Variants in MAP4K4 observed in about 807,000 individuals in gnomAD.
The protein encoded by MAP4K4 is mitogen-activated protein kinase kinase kinase kinase 4, also known as HPK/GCK-like kinase HGK.
Under a neutral mutation model 189.6 loss-of-function variants are expected in MAP4K4, and 38 were observed. The observed-to-expected ratio is 0.20, with a 90% CI of 0.15 to 0.26. The LOEUF (loss-of-function observed/expected upper bound fraction) is 0.26. Among genes scored for constraint, MAP4K4 ranks in the 10% least tolerant of loss-of-function variants. The probability of loss-of-function intolerance (pLI) is 1.00; values close to 1 mark genes in which losing one functional copy is unlikely to be tolerated. For missense variants in MAP4K4, 1,054 were observed against 1,726.9 expected, an observed-to-expected ratio of 0.61 and a Z score of 6.91; for synonymous variants, 610 against 624.3, an observed-to-expected ratio of 0.98 and a Z score of 0.34.
intron 2 of MAP4K4, among the ~76,000 whole-genome samples, chr2:101,778,165 G>GC (rs1166063438): frequency 6.6e-6 from 1 of 152,088 alleles, no homozygotes; most frequent in African/African-American, 2.4e-5. Flanking sequence ...GGTCTGGGGG[G>GC]ACCCACAAGG....
intron 12 of MAP4K4, among the ~76,000 whole-genome samples, chr2:101,852,203 G>A (rs911438414): frequency 4.6e-5 from 7 of 151,188 alleles, no homozygotes; most frequent in African/African-American, 7.3e-5. Context: ...TCAAGACTTC[G>A]TGCTCTTACT....
intron 5 of MAP4K4, among the ~76,000 whole-genome samples, chr2:101,827,649 G>T (rs2096420018): frequency 6.6e-6 from 1 of 152,330 alleles, no homozygotes; most frequent in African/African-American, 2.4e-5. Context: ...CAATAGAGAA[G>T]TGCTTTTTGG....
intron 2 of MAP4K4, among the ~76,000 whole-genome samples, chr2:101,753,355 A>C (rs2070255836): frequency 6.6e-6 from 1 of 152,322 alleles, no homozygotes; most frequent in South Asian, 2.1e-4. Flanking sequence ...TGCATTTTCA[A>C]AGAAAATCTT....
intron 2 of MAP4K4, among the ~76,000 whole-genome samples, chr2:101,728,749 C>T (rs2056866695): frequency 6.6e-6 from 1 of 152,156 alleles, no homozygotes; most frequent in Non-Finnish European, 1.5e-5. Context: ...AAACTCCTGA[C>T]CTCAAGTGAT....
At chr2:101,829,149 A>C (rs2096499599) in intron 5 of MAP4K4, among the ~76,000 whole-genome samples, 1 of 152,170 alleles carries the variant, frequency 6.6e-6, no homozygotes, top group Admixed American at 6.5e-5. Context: ...CCACGGGGTC[A>C]CCCTCTAGAC....
chr2:101,885,308 TA>T, intron 29 of MAP4K4, 21 bp downstream of exon 29: 2 of 1,438,760 alleles, frequency 1.4e-6, no homozygotes, highest in Non-Finnish European at 1.9e-6. Flanking sequence ...CAAGTGAATT[TA>T]AAAGTAGTAT....
intron 2 of MAP4K4, among the ~76,000 whole-genome samples, chr2:101,756,246 A>T (rs1415251863): frequency 6.6e-6 from 1 of 152,006 alleles, no homozygotes; most frequent in Non-Finnish European, 1.5e-5. Flanking sequence ...TGCCCGGCTG[A>T]CACCTTGATC....
At chr2:101,831,635 C>T in intron 6 of MAP4K4, 86 bp from the exon 7 acceptor site, 1 of 1,395,086 alleles carries the variant, frequency 7.2e-7, no homozygotes, top group Non-Finnish European at 9.9e-7. Context: ...ACTATGAAGA[C>T]ATTTCCTCCT....
At chr2:101,851,290 G>C (rs1381420305) in intron 12 of MAP4K4, among the ~76,000 whole-genome samples, 1 of 152,074 alleles carries the variant, frequency 6.6e-6, no homozygotes, top group African/African-American at 2.4e-5. Context: ...TTTAAAGAAA[G>C]GATAATTTAA....
chr2:101,877,374 C>G (rs530033252), intron 27 of MAP4K4, among the ~76,000 whole-genome samples: 3 of 152,206 alleles, frequency 2.0e-5, no homozygotes, highest in South Asian at 2.1e-4. Flanking sequence ...TGAATGTGCT[C>G]TTTCTCACTG....
At chr2:101,832,512 A>G (rs188801847) in intron 7 of MAP4K4, among the ~76,000 whole-genome samples, 8 of 152,370 alleles carry the variant, frequency 5.3e-5, no homozygotes, top group African/African-American at 1.2e-4. Flanking sequence ...CAAATATCCA[A>G]TTAATGAGAC....
At chr2:101,887,688 A>G in intron 30 of MAP4K4, 90 bp from the exon 31 acceptor site, 1 of 874,516 alleles carries the variant, frequency 1.1e-6, no homozygotes, top group South Asian at 1.9e-5. Flanking sequence ...ATATGGTACC[A>G]GTGCATTCAC....
chr2:101,699,158 G>GT (rs1425954950), intron 2 of MAP4K4, among the ~76,000 whole-genome samples: 2 of 152,186 alleles, frequency 1.3e-5, no homozygotes, highest in African/African-American at 2.4e-5. Context: ...GGAATAACCT[G>GT]TTTGACAGCT....
chr2:101,757,567 C>T (rs1233946512), intron 2 of MAP4K4, among the ~76,000 whole-genome samples: 1 of 152,178 alleles, frequency 6.6e-6, no homozygotes, highest in Non-Finnish European at 1.5e-5. Context: ...AAAAATAACA[C>T]AGTCCCCCCT....
intron 2 of MAP4K4, among the ~76,000 whole-genome samples, chr2:101,780,873 T>TA (rs1307770345): frequency 6.6e-6 from 1 of 152,256 alleles, no homozygotes; most frequent in Non-Finnish European, 1.5e-5. Flanking sequence ...GGCTGTTGAA[T>TA]ACTGTATTTT....
chr2:101,884,176 G>A (rs2098448839), intron 28 of MAP4K4, among the ~76,000 whole-genome samples: 1 of 152,030 alleles, frequency 6.6e-6, no homozygotes, highest in Non-Finnish European at 1.5e-5. Flanking sequence ...TTCATTCGTT[G>A]TCATTATGGT....
chr2:101,880,855 C>A (rs964593486), intron 27 of MAP4K4, among the ~76,000 whole-genome samples: 1 of 152,098 alleles, frequency 6.6e-6, no homozygotes, highest in Non-Finnish European at 1.5e-5. Flanking sequence ...CTATTTGTCT[C>A]TTTTTGTGCT....
intron 27 of MAP4K4, among the ~76,000 whole-genome samples, chr2:101,881,894 C>T (rs1326573791): frequency 6.6e-6 from 1 of 152,120 alleles, no homozygotes; most frequent in Non-Finnish European, 1.5e-5. Flanking sequence ...GATGACTACA[C>T]CACAATGTAT....
Position 101,723,110 on chromosome 2 carries a change from G to C in MAP4K4, c.123+24572G>C, listed in dbSNP as rs116096655. ...CTGCCAAACACTTACAAAACCGCCAGATCTTGTGAGAACTCACTCACTATC... is the reference window on the plus strand; with the variant it reads ...CTGCCAAACACTTACAAAACCGCCACATCTTGTGAGAACTCACTCACTATC... On this transcript the variant is annotated intron_variant, in intron 2 of 32. Coordinates refer to ENST00000324219, the Ensembl canonical transcript of MAP4K4. Among the ~76,000 whole-genome samples, 638 of 152,304 alleles carry C rather than the reference G, an allele frequency of 4.2e-3. 4 individuals carry two copies. The highest frequency in any genetic ancestry group is 0.015 in the African/African-American group (611 of 41,566).
Sources: gnomAD v4.1 joint callset for allele counts (sites outside exome capture counted in the v4.1 genomes callset) on GRCh38, gnomAD v4.1.1 for gene constraint, MANE v1.5 for transcripts, NCBI Gene and HGNC (gene_info 2026-07-23, HGNC 2026-07-21) for gene names.